Variants in NPSR1 observed in about 807,000 individuals in gnomAD.
NPSR1 encodes the protein neuropeptide S receptor 1, also known as neuropeptide S receptor.
In NPSR1, 48 loss-of-function variants were observed where a neutral mutation model predicts 46.9. The ratio of observed to expected loss-of-function variants is 1.02; its 90% confidence interval spans 0.81 to 1.30. NPSR1 has a LOEUF of 1.30. Ranked by LOEUF, NPSR1 falls within the 50% of genes most tolerant of loss-of-function variation. The pLI, the probability that NPSR1 is intolerant of heterozygous loss-of-function variation, is 0.00. For missense variants in NPSR1, 450 were observed against 449.5 expected (o/e 1.00, Z -0.01); for synonymous variants, 176 against 168.1 (o/e 1.05, Z -0.36).
chr7:34,839,196 T>A (rs1790484548), intron 6 of NPSR1, among the ~76,000 whole-genome samples: 1 of 152,156 alleles, frequency 6.6e-6, no homozygotes, highest in South Asian at 2.1e-4. Flanking sequence ...AAGATACAAA[T>A]AAATGAAGAT....
intron 3 of NPSR1, among the ~76,000 whole-genome samples, chr7:34,805,479 CAAAAAAAAAA>C (rs57776086): frequency 2.8e-5 from 2 of 71,948 alleles, no homozygotes; most frequent in Admixed American, 1.7e-4. Flanking sequence ...TATCCACATG[CAAAAAAAAAA>C]AAAAAAAAAA....
intron 1 of NPSR1, among the ~76,000 whole-genome samples, chr7:34,660,442 A>G (rs11761093): frequency 0.21 from 31,206 of 152,080 alleles, 4,590 homozygotes; most frequent in African/African-American, 0.42. Flanking sequence ...AAATAGTTCC[A>G]ATGCAAGCCC....
intron 1 of NPSR1, among the ~76,000 whole-genome samples, chr7:34,681,750 G>T (rs929320542): frequency 6.6e-6 from 1 of 152,060 alleles, no homozygotes; most frequent in Non-Finnish European, 1.5e-5. Flanking sequence ...TTCTGGAAAG[G>T]TCTCCAGGGA....
intron 2 of NPSR1, among the ~76,000 whole-genome samples, chr7:34,763,189 G>A (rs1786258648): frequency 6.6e-6 from 1 of 152,214 alleles, no homozygotes; most frequent in South Asian, 2.1e-4. Context: ...ATCTAGCAGA[G>A]ATCTTAAAAT....
At chr7:34,681,763 C>T (rs943863349) in intron 1 of NPSR1, among the ~76,000 whole-genome samples, 2 of 152,040 alleles carry the variant, frequency 1.3e-5, no homozygotes, top group Non-Finnish European at 2.9e-5. Flanking sequence ...TCCAGGGACC[C>T]CATATCACAT....
At chr7:34,736,927 C>T (rs1449546174) in intron 2 of NPSR1, among the ~76,000 whole-genome samples, 2 of 152,104 alleles carry the variant, frequency 1.3e-5, no homozygotes, top group African/African-American at 2.4e-5. Flanking sequence ...TTTAAATATT[C>T]GCAATTTTCA....
intron 3 of NPSR1, among the ~76,000 whole-genome samples, chr7:34,790,574 A>C (rs1367672494): frequency 6.7e-6 from 1 of 150,222 alleles, no homozygotes; most frequent in Non-Finnish European, 1.5e-5. Flanking sequence ...CACATCAGAA[A>C]GGACAAACTT....
intron 8 of NPSR1, among the ~76,000 whole-genome samples, chr7:34,859,452 G>A (rs978627507): frequency 5.9e-5 from 9 of 151,320 alleles, no homozygotes; most frequent in South Asian, 4.2e-4. Context: ...CCCACTATGC[G>A]GTGATGTTAG....
chr7:34,697,814 A>G (rs1326598474), intron 2 of NPSR1, among the ~76,000 whole-genome samples: 8 of 152,056 alleles, frequency 5.3e-5, no homozygotes, highest in Non-Finnish European at 2.9e-5. Flanking sequence ...GAGAGAAAAA[A>G]TATTAGAATT....
chr7:34,871,513 C>G lies in NPSR1; in HGVS notation c.1026-6563C>G, dbSNP rs571769496. 3 of 151,908 alleles carry G rather than the reference C, an allele frequency of 2.0e-5. No homozygotes were observed. In the East Asian group the frequency reaches 5.8e-4, roughly 29 times the overall value. 9.4% of individuals were successfully genotyped at this position (151,908 alleles called of 1,614,324 possible). On this transcript the variant is annotated intron_variant, in intron 8 of 8. Coordinates refer to the NPSR1 transcript ENST00000359791. ...TACAATCATACCTTTCCAGTAGTCC[C>G]CCAAAGTCTTAAGTCTTTCCAGCAT...
intron 2 of NPSR1, among the ~76,000 whole-genome samples, chr7:34,697,406 C>T (rs1255104152): frequency 6.6e-6 from 1 of 151,692 alleles, no homozygotes; most frequent in African/African-American, 2.4e-5. Context: ...GTATAAAATG[C>T]AGTATTTGAA....
At position 34,727,080 on chromosome 7, in the gene NPSR1, T is replaced by A. The variant is rs114300134; in HGVS notation, c.280+42396T>A. Among the ~76,000 whole-genome samples, 290 of 152,276 alleles carry A rather than the reference T, an allele frequency of 1.9e-3. 5 individuals carry two copies. The highest frequency in any genetic ancestry group is 6.7e-3 in the African/African-American group (277 of 41,558). On this transcript the variant is annotated intron_variant, in intron 2 of 8. Transcript: ENST00000360581. ...AGAAATGTACCATTCTGGTATGGGA[T>A]ATTGAGAGCAGGGAGTGGGGGTTGT...
intron 2 of NPSR1, among the ~76,000 whole-genome samples, chr7:34,696,016 A>G (rs1357271081): frequency 3.3e-5 from 5 of 151,028 alleles, no homozygotes; most frequent in Non-Finnish European, 5.9e-5. Context: ...TGTTCATTGC[A>G]GCACTATTCA....
At chr7:34,692,649 A>G (rs1793324871) in intron 2 of NPSR1, among the ~76,000 whole-genome samples, 1 of 152,218 alleles carries the variant, frequency 6.6e-6, no homozygotes, top group Admixed American at 6.5e-5. Context: ...GAACAAGGAA[A>G]GCGAGAACAA....
chr7:34,839,792 G>A (rs1281791561), intron 6 of NPSR1, among the ~76,000 whole-genome samples: 1 of 152,174 alleles, frequency 6.6e-6, no homozygotes, highest in Non-Finnish European at 1.5e-5. Context: ...CCTCCAGCAA[G>A]CAGGGGCAGG....
intron 2 of NPSR1, among the ~76,000 whole-genome samples, chr7:34,758,873 C>T (rs964537221): frequency 2.0e-5 from 3 of 152,132 alleles, no homozygotes; most frequent in Non-Finnish European, 4.4e-5. Flanking sequence ...TTGCCATGTA[C>T]GTTTAGTGTT....
intron 2 of NPSR1, among the ~76,000 whole-genome samples, chr7:34,726,854 T>C (rs1487626757): frequency 1.3e-5 from 2 of 150,288 alleles, no homozygotes; most frequent in Non-Finnish European, 3.0e-5. Context: ...CTTTCAGGGA[T>C]TAGGGAGGGG....
chr7:34,662,263 G>A (rs991698098), intron 1 of NPSR1, among the ~76,000 whole-genome samples: 1 of 152,110 alleles, frequency 6.6e-6, no homozygotes, highest in Non-Finnish European at 1.5e-5. Flanking sequence ...ATATGTAAAT[G>A]GTTGCTTCTA....
In NPSR1 at chr7:34,856,829, T is replaced by A. The variant is rs185354329; in HGVS notation, c.1025+8166T>A. On this transcript the variant is annotated intron_variant, in intron 8 of 8. Transcript: ENST00000359791. ...TTAGGCAGATAAGGAAACTTCATGATTGAGAGGCAGGAGGAGGGAGAGGAG... is the reference window on the plus strand; with the variant it reads ...TTAGGCAGATAAGGAAACTTCATGAATGAGAGGCAGGAGGAGGGAGAGGAG... 1.7e-4 allele frequency among the ~76,000 whole-genome samples: 26 copies of A among 151,678 alleles called. 2 individuals carry two copies. Among genetic ancestry groups the A allele is most frequent in the African/African-American group, 5.1e-4 (21 of 41,048 alleles).
Sources: allele counts gnomAD v4.1 joint callset (sites outside exome capture counted in the v4.1 genomes callset), GRCh38; gene constraint gnomAD v4.1.1; transcripts MANE v1.5; gene names NCBI Gene and HGNC (gene_info 2026-07-23, HGNC 2026-07-21).